The following MYOCD variants were observed in gnomAD, a reference collection of about 807,000 sequenced individuals.
MYOCD encodes myocardin.
In MYOCD, 32 loss-of-function variants were observed where a neutral mutation model predicts 96.1. The ratio of observed to expected loss-of-function variants is 0.33; its 90% CI spans 0.25 to 0.45. The LOEUF is 0.45. Ranked by LOEUF, MYOCD falls within the 20% of genes least tolerant of loss-of-function variation. MYOCD has a pLI of 1.00. For missense variants in MYOCD, 1,133 were observed against 1,200.6 expected (o/e 0.94, Z 0.83); for synonymous variants, 469 against 469.0 (o/e 1.00, Z 0.00).
At position 12,715,583 on chromosome 17, in the gene MYOCD, T is replaced by C. The variant is rs755855508; in HGVS notation, c.177+9T>C. On this transcript the variant is annotated intron_variant, in intron 3 of 13. Coordinates refer to ENST00000425538, the MANE Select transcript of MYOCD (RefSeq NM_001146312.3). ...ATTTGGATAGTGACAAGGTAATTTTTGCAAATTTCTTGACCCAAGCTTAGA... is the reference window on the plus strand; with the variant it reads ...ATTTGGATAGTGACAAGGTAATTTTCGCAAATTTCTTGACCCAAGCTTAGA... 1 of 1,612,302 alleles carries C rather than the reference T, an allele frequency of 6.2e-7. No individual in the cohort carries two copies. Among genetic ancestry groups the C allele is most frequent in the African/African-American group, 1.3e-5 (1 of 74,910 alleles).
chr17:12,741,685 G>T (rs2032514308), intron 7 of MYOCD, among the ~76,000 whole-genome samples: 1 of 149,002 alleles, frequency 6.7e-6, no homozygotes, highest in African/African-American at 2.5e-5. Flanking sequence ...ACTCTAGCCT[G>T]GTCGACAGAG....
rs1886647087 is a variant in MYOCD at position 12,766,860 on chromosome 17, G to T, written c.*3216G>T. 6.6e-6 allele frequency: 1 copy of T among 152,218 alleles called. No homozygotes were observed. Among genetic ancestry groups the T allele is most frequent in the Middle Eastern group, 3.4e-3 (1 of 294 alleles). The allele number at this position is 152,218 out of a possible 1,614,324, so 9.4% of individuals were successfully genotyped here. A position where few individuals can be genotyped will look rare whatever the true frequency, so the allele number is the denominator to read the frequency against. ...TAAAGAAGTCAAAAAATTTATTCGT[G>T]CAAGTGCTTGCAGGAAGCCAGTGCT... is the stretch of plus-strand genomic sequence containing the variant. On this transcript the variant is annotated 3_prime_UTR_variant, in exon 14 of 14. Coordinates refer to ENST00000425538, the MANE Select transcript of MYOCD (RefSeq NM_001146312.3).
chr17:12,711,162 T>C (rs950442380), intron 2 of MYOCD, among the ~76,000 whole-genome samples: 12 of 152,154 alleles, frequency 7.9e-5, no homozygotes, highest in Admixed American at 5.9e-4. Context: ...AAAGAAAATA[T>C]AATCTCCAAA....
rs528478659 is a variant in MYOCD at position 12,669,892 on chromosome 17, C to A, written c.55+3649C>A. 1.6e-4 allele frequency among the ~76,000 whole-genome samples: 24 copies of A among 152,286 alleles called. No homozygotes were observed. In the East Asian group the frequency reaches 4.6e-3, roughly 29 times the overall value. ...TGATCAACACTTTCTGCTGCCCCAT[C>A]CAATATCCTATCAAGCTCTTGAGAT... On this transcript the variant is annotated intron_variant, in intron 1 of 13. Coordinates refer to ENST00000425538, the MANE Select transcript of MYOCD (RefSeq NM_001146312.3).
rs149596260 is a variant in MYOCD at position 12,746,207 on chromosome 17, T to G, written c.1125+135T>G. The stretch of plus-strand genomic sequence containing the variant: ...AGACTGTAGGAAACACTGAAGGAGG[T>G]GACAGAATTTATCCTGCTGTGGTTG... On this transcript the variant is annotated intron_variant, in intron 9 of 13. Coordinates refer to ENST00000425538, the MANE Select transcript of MYOCD (RefSeq NM_001146312.3). The G allele has an allele frequency of 3.4e-4, 325 of 950,914 alleles. 1 individual carries two copies. In the African/African-American group the frequency reaches 4.9e-3, roughly 14 times the overall value. The allele number at this position is 950,914 out of a possible 1,614,324, so 58.9% of individuals were successfully genotyped here. A position where few individuals can be genotyped will look rare whatever the true frequency, so the allele number is the denominator to read the frequency against.
chr17:12,760,023 GT>G (rs1164340422), intron 12 of MYOCD: 3 of 152,348 alleles, frequency 2.0e-5, no homozygotes, highest in African/African-American at 2.4e-5. Context: ...ATCAGACATG[GT>G]TTAAAAATTT....
chr17:12,752,111 A>T (rs2150719100), intron 9 of MYOCD, among the ~76,000 whole-genome samples: 1 of 152,296 alleles, frequency 6.6e-6, no homozygotes, highest in Non-Finnish European at 1.5e-5. Flanking sequence ...TAAAATGGGG[A>T]CACAGATCGC....
At chr17:12,679,087 A>G (rs1435844407) in intron 1 of MYOCD, among the ~76,000 whole-genome samples, 1 of 152,114 alleles carries the variant, frequency 6.6e-6, no homozygotes, top group African/African-American at 2.4e-5. Context: ...AATTTACCAC[A>G]TGGTCCCCCA....
intron 5 of MYOCD, among the ~76,000 whole-genome samples, chr17:12,723,682 G>A (rs2031913780): frequency 6.6e-6 from 1 of 152,226 alleles, no homozygotes; most frequent in South Asian, 2.1e-4. Context: ...CACTCATAGA[G>A]GCTTTGGGGT....
chr17:12,670,632 G>T (rs186782140), intron 1 of MYOCD, among the ~76,000 whole-genome samples: 1 of 152,152 alleles, frequency 6.6e-6, no homozygotes, highest in Non-Finnish European at 1.5e-5. Context: ...CCCATGATAT[G>T]TAATATTTAT....
chr17:12,704,939 AACCTTGT>A (rs1193351713), intron 1 of MYOCD, 182 bp from the exon 2 acceptor site: 2 of 567,448 alleles, frequency 3.5e-6, no homozygotes, highest in African/African-American at 3.8e-5. Flanking sequence ...CTTACTGCAA[AACCTTGT>A]AACCTTCTCA....
intron 12 of MYOCD, 100 bp from the exon 13 acceptor site, chr17:12,760,550 C>T (rs1455403306): frequency 2.1e-6 from 2 of 968,920 alleles, no homozygotes; most frequent in Non-Finnish European, 3.3e-6. Flanking sequence ...AATACCTTGA[C>T]CAAACCTAGT....
At chr17:12,697,644 C>T (rs993250176) in intron 1 of MYOCD, among the ~76,000 whole-genome samples, 1 of 151,796 alleles carries the variant, frequency 6.6e-6, no homozygotes, top group African/African-American at 2.4e-5. Context: ...GAGCCACTGC[C>T]ACCGGCCTAG....
chr17:12,740,958 G>T (rs2150707986), intron 7 of MYOCD, among the ~76,000 whole-genome samples: 1 of 152,080 alleles, frequency 6.6e-6, no homozygotes, highest in Middle Eastern at 3.4e-3. Context: ...GGCTGATCTT[G>T]AACTCCTGAC....
chr17:12,732,265 C>A (rs1015694365), intron 5 of MYOCD, among the ~76,000 whole-genome samples: 1 of 152,160 alleles, frequency 6.6e-6, no homozygotes, highest in Admixed American at 6.5e-5. Flanking sequence ...GCCCTCTCCC[C>A]TGGCTGAAAG....
intron 1 of MYOCD, among the ~76,000 whole-genome samples, chr17:12,693,609 C>CA (rs1008505410): frequency 4.3e-5 from 5 of 117,564 alleles, no homozygotes; most frequent in African/African-American, 6.6e-5. Context: ...GACTCTGTCT[C>CA]AAAAAAAATA....
chr17:12,704,632 C>G (rs1360306265), intron 1 of MYOCD, among the ~76,000 whole-genome samples: 1 of 152,124 alleles, frequency 6.6e-6, no homozygotes, highest in Non-Finnish European at 1.5e-5. Flanking sequence ...ATTGTTTTAT[C>G]AAACTTTATG....
intron 1 of MYOCD, among the ~76,000 whole-genome samples, chr17:12,703,195 C>A (rs1464557686): frequency 2.0e-5 from 3 of 151,790 alleles, no homozygotes; most frequent in Non-Finnish European, 4.4e-5. Flanking sequence ...TTCATTGTTT[C>A]TGAAGAGAAT....
At chr17:12,708,143 T>C (rs1045021605) in intron 2 of MYOCD, among the ~76,000 whole-genome samples, 7 of 152,130 alleles carry the variant, frequency 4.6e-5, no homozygotes, top group Non-Finnish European at 1.0e-4. Context: ...CTGTTTGTCT[T>C]TAATGTTCAT....
Sources: gnomAD v4.1 joint callset for allele counts (sites outside exome capture counted in the v4.1 genomes callset) on GRCh38, gnomAD v4.1.1 for gene constraint, MANE v1.5 for transcripts, NCBI Gene and HGNC (gene_info 2026-07-23, HGNC 2026-07-21) for gene names.